The following CNR2 variants were observed in gnomAD, a reference collection of about 807,000 sequenced individuals.
CNR2 encodes cannabinoid receptor 2 (macrophage).
For synonymous variants in CNR2, 172 were observed against 182.2 expected, an observed-to-expected ratio of 0.94 and a Z score of 0.45; for missense variants, 379 against 439.9, an observed-to-expected ratio of 0.86 and a Z score of 1.24.
In CNR2 at chr1:23,899,906, AGAGAAAGAAAGAAAGAGAAAGAAAG is replaced by A. The variant is rs1640362815; in HGVS notation, c.-46+13315_-46+13339del. ...GAAAGAAAGAAAGAGAAAGAAAGAA[AGAGAAAGAAAGAAAGAGAAAGAAAG>A]AGAAAGAAAGGAAAGAGAAAGAAAG... On this transcript the variant is annotated intron_variant, in intron 1 of 1. Coordinates refer to ENST00000374472, the MANE Select transcript of CNR2 (RefSeq NM_001841.3). 2.8e-3 allele frequency among the ~76,000 whole-genome samples: 3 copies of A among 1,078 alleles called. No individual in the cohort carries two copies. The East Asian group carries it at 0.11, about 39-fold the overall frequency. 0.7% of individuals were successfully genotyped at this position (1,078 alleles called of 152,430 possible). A position where few individuals can be genotyped will look rare whatever the true frequency, so the allele number is the denominator to read the frequency against.
chr1:23,877,236 T>C (rs957435238), intron 1 of CNR2, among the ~76,000 whole-genome samples: 2 of 152,008 alleles, frequency 1.3e-5, no homozygotes, highest in African/African-American at 2.4e-5. Context: ...CTGAAAAAGA[T>C]TCAAGTAGAA....
chr1:23,904,327 C>T (rs1640453198), intron 1 of CNR2, among the ~76,000 whole-genome samples: 1 of 152,006 alleles, frequency 6.6e-6, no homozygotes. Context: ...GCGCCTGCCA[C>T]CATGCCCAGC....
chr1:23,904,836 A>C (rs1269146020), intron 1 of CNR2, among the ~76,000 whole-genome samples: 1 of 152,208 alleles, frequency 6.6e-6, no homozygotes, highest in Non-Finnish European at 1.5e-5. Flanking sequence ...GCTTCTCTCT[A>C]AAGCAGGAGT....
At chr1:23,892,844 T>C (rs960734161) in intron 1 of CNR2, among the ~76,000 whole-genome samples, 2 of 152,080 alleles carry the variant, frequency 1.3e-5, no homozygotes, top group Non-Finnish European at 1.5e-5. Flanking sequence ...GGTGAAACCC[T>C]GTCTCTACTA....
intron 1 of CNR2, among the ~76,000 whole-genome samples, chr1:23,903,416 A>G (rs1340673637): frequency 1.3e-5 from 2 of 150,506 alleles, no homozygotes; most frequent in Non-Finnish European, 3.0e-5. Context: ...CTCTACAAAT[A>G]AAAAAAAATT....
chr1:23,875,246 G>A lies in CNR2; in HGVS notation c.372C>T (p.Leu124=), dbSNP rs776450616. The A allele has an allele frequency of 1.2e-6, 2 of 1,614,118 alleles. No homozygotes were observed. The highest frequency in any genetic ancestry group is 2.2e-5 in the East Asian group (1 of 44,816). The change falls in exon 2 of 2, where the codon CTC becomes CTT. Residue 124 remains leucine (L), a synonymous_variant. Coordinates refer to ENST00000374472, the MANE Select transcript of CNR2 (RefSeq NM_001841.3). The stretch of plus-strand genomic sequence containing the variant: ...GGTATCGGTCAATGGCGGTCAGCAG[G>A]AGGCTACCCACAGAGGCTGTGAAGG... ...TMTFTASVGS[L]LLTAIDRYLC...
rs1639810643 is a variant in CNR2 at position 23,873,896 on chromosome 1, G to A, written c.*639C>T. ...ATCCCAGCCTCCTCTGTATTTCCAG[G>A]GACCTGAGGTTACAGGTGGGGATTA... On this transcript the variant is annotated 3_prime_UTR_variant, in exon 2 of 2. Coordinates refer to ENST00000374472, the MANE Select transcript of CNR2 (RefSeq NM_001841.3). 1 of 152,256 alleles carries A rather than the reference G, an allele frequency of 6.6e-6. No individual in the cohort carries two copies. The highest frequency in any genetic ancestry group is 2.4e-5 in the African/African-American group (1 of 41,438). The allele number at this position is 152,256 out of a possible 1,614,324, so 9.4% of individuals were successfully genotyped here. A position where few individuals can be genotyped will look rare whatever the true frequency, so the allele number is the denominator to read the frequency against.
At chr1:23,894,419 CTCAA>C (rs1274434443) in intron 1 of CNR2, among the ~76,000 whole-genome samples, 1 of 46,216 alleles carries the variant, frequency 2.2e-5, no homozygotes, top group Non-Finnish European at 4.5e-5. Context: ...GAAACTCTGT[CTCAA>C]AAAAAAAAAA....
At chr1:23,894,421 CAAAAA>C (rs113493988) in intron 1 of CNR2, among the ~76,000 whole-genome samples, 60 of 148,168 alleles carry the variant, frequency 4.0e-4, no homozygotes, top group East Asian at 1.0e-3. Context: ...AACTCTGTCT[CAAAAA>C]AAAAAAATTT....
intron 1 of CNR2, among the ~76,000 whole-genome samples, chr1:23,897,528 G>A (rs910067037): frequency 6.6e-6 from 1 of 151,302 alleles, no homozygotes; most frequent in African/African-American, 2.4e-5. Context: ...AAGCTGGAGT[G>A]CAGTGGTGCG....
intron 1 of CNR2, among the ~76,000 whole-genome samples, chr1:23,882,918 C>A (rs985749103): frequency 2.0e-5 from 3 of 152,058 alleles, no homozygotes; most frequent in Non-Finnish European, 4.4e-5. Context: ...CCATGGCATA[C>A]ATTCAAAGAA....
chr1:23,885,409 A>C (rs1640069730), intron 1 of CNR2, among the ~76,000 whole-genome samples: 1 of 152,202 alleles, frequency 6.6e-6, no homozygotes, highest in Admixed American at 6.5e-5. Context: ...GACCTCTTTC[A>C]AAATACCTAA....
chr1:23,874,814 G>A lies in CNR2; in HGVS notation c.804C>T (p.Ser268=). 6.2e-7 allele frequency: 1 copy of A among 1,614,186 alleles called. No homozygotes were observed. The highest frequency in any genetic ancestry group is 8.5e-7 in the Non-Finnish European group (1 of 1,180,030). Residue 268 remains serine, a synonymous_variant, in exon 2 of 2, where the codon AGC becomes AGT. Coordinates refer to ENST00000374472, the MANE Select transcript of CNR2 (RefSeq NM_001841.3). The stretch of plus-strand genomic sequence containing the variant: ...CCTGGTCACTGAGCGTAGTGGCCAG[G>A]CTGTGGGCCATGAGGGCCAGCACTG... ...WFPVLALMAH[S]LATTLSDQVK...
At chr1:23,880,282 T>C (rs1420373697) in intron 1 of CNR2, among the ~76,000 whole-genome samples, 3 of 149,202 alleles carry the variant, frequency 2.0e-5, no homozygotes, top group Non-Finnish European at 4.4e-5. Context: ...GGTTGAAGCC[T>C]TTCTCTTGCC....
chr1:23,874,406 G>T lies in CNR2; in HGVS notation c.*129C>A. On this transcript the variant is annotated 3_prime_UTR_variant, in exon 2 of 2. Coordinates refer to ENST00000374472, the MANE Select transcript of CNR2 (RefSeq NM_001841.3). Reference sequence around the variant, plus strand: ...CAGGAGTCAGTCCCAACACTCATCAGCAAAAAGGGGTCCGTGTCTAGGTGT... The same window carrying T: ...CAGGAGTCAGTCCCAACACTCATCATCAAAAAGGGGTCCGTGTCTAGGTGT... 1 of 1,046,334 alleles carries T rather than the reference G, an allele frequency of 9.6e-7. No homozygotes were observed. Among genetic ancestry groups the T allele is most frequent in the Non-Finnish European group, 1.4e-6 (1 of 722,056 alleles). The allele number at this position is 1,046,334 out of a possible 1,614,324, so 64.8% of individuals were successfully genotyped here.
chr1:23,911,593 T>C (rs1046540696), intron 1 of CNR2, among the ~76,000 whole-genome samples: 1 of 152,242 alleles, frequency 6.6e-6, no homozygotes, highest in Non-Finnish European at 1.5e-5. Context: ...TCCTATTGAA[T>C]GTGACTTCAA....
Position 23,902,060 on chromosome 1 carries a change from A to T in CNR2, c.-46+11186T>A, listed in dbSNP as rs561977014. 1.3e-4 allele frequency: 207 copies of T among 1,557,098 alleles called. 1 individual carries two copies. The South Asian group carries it at 1.4e-3, about 10-fold the overall frequency. The stretch of plus-strand genomic sequence containing the variant: ...TCTGACTGGGCAGCGCCGTTGGCAA[A>T]CTCCTCTAGGGTCATGGTTGGAATT... On this transcript the variant is annotated intron_variant, in intron 1 of 1. Transcript: ENST00000374472.
chr1:23,897,991 T>C (rs1370875273), intron 1 of CNR2, among the ~76,000 whole-genome samples: 2 of 152,110 alleles, frequency 1.3e-5, no homozygotes, highest in East Asian at 3.9e-4. Context: ...TTTTCTGTTG[T>C]TGTTCAAATC....
At chr1:23,899,792 C>T (rs536977201) in intron 1 of CNR2, among the ~76,000 whole-genome samples, 1 of 17,642 alleles carries the variant, frequency 5.7e-5, no homozygotes, top group East Asian at 2.4e-3. Context: ...CCAGCCTGGG[C>T]GACAGAGGGG....
Sources: gnomAD v4.1 joint callset for allele counts (sites outside exome capture counted in the v4.1 genomes callset) on GRCh38, gnomAD v4.1.1 for gene constraint, MANE v1.5 for transcripts, NCBI Gene and HGNC (gene_info 2026-07-23, HGNC 2026-07-21) for gene names.